CSMD1: variants seen among roughly 807,000 people sequenced by gnomAD.
The protein encoded by CSMD1 is CUB and sushi domain-containing protein 1.
A neutral mutation model predicts 417.5 loss-of-function variants in CSMD1; 213 were observed. That is an observed-to-expected ratio of 0.51 (90% confidence interval 0.46 to 0.57). CSMD1 has a LOEUF of 0.57. Ranked by LOEUF, CSMD1 falls within the 20% of genes least tolerant of loss-of-function variation. The pLI is 0.00. For missense variants in CSMD1, 6,923 were observed against 4,529.7 expected (o/e 1.53, Z -15.17); for synonymous variants, 2,862 against 1,736.8 (o/e 1.65, Z -16.11).
intron 65 of CSMD1, among the ~76,000 whole-genome samples, chr8:2,952,461 C>T (rs531698825): frequency 7.9e-5 from 12 of 152,164 alleles, no homozygotes; most frequent in African/African-American, 2.9e-4. Flanking sequence ...TAATAGCTTC[C>T]TTTGGCCTTT....
At chr8:3,848,333 G>C (rs949564722) in intron 5 of CSMD1, among the ~76,000 whole-genome samples, 6 of 152,110 alleles carry the variant, frequency 3.9e-5, no homozygotes, top group Non-Finnish European at 1.5e-5. Flanking sequence ...ACATCAAAAG[G>C]AGCAATCTTA....
At chr8:4,426,839 T>A (rs1278343213) in intron 2 of CSMD1, among the ~76,000 whole-genome samples, 1 of 150,990 alleles carries the variant, frequency 6.6e-6, no homozygotes, top group Non-Finnish European at 1.5e-5. Context: ...GTATACTATA[T>A]TATGTACTAT....
intron 1 of CSMD1, among the ~76,000 whole-genome samples, chr8:4,915,066 T>C (rs181415325): frequency 3.5e-4 from 53 of 152,326 alleles, no homozygotes; most frequent in Admixed American, 2.2e-3. Flanking sequence ...TTGAATTAAA[T>C]ACACTCGGTT....
At chr8:4,205,609 A>G (rs576448135) in intron 3 of CSMD1, among the ~76,000 whole-genome samples, 3 of 152,258 alleles carry the variant, frequency 2.0e-5, no homozygotes, top group African/African-American at 4.8e-5. Context: ...AGCCCTGACA[A>G]TTTCCACCCA....
chr8:3,318,177 T>A (rs1563266767), intron 23 of CSMD1, among the ~76,000 whole-genome samples: 1 of 152,240 alleles, frequency 6.6e-6, no homozygotes, highest in East Asian at 1.9e-4. Flanking sequence ...TACCTTAGGC[T>A]TGTAATATTC....
chr8:4,219,917 G>T (rs1189820428), intron 3 of CSMD1, among the ~76,000 whole-genome samples: 1 of 152,132 alleles, frequency 6.6e-6, no homozygotes, highest in East Asian at 1.9e-4. Flanking sequence ...TAATATGATG[G>T]AGAGAATCAC....
At chr8:4,436,215 T>C (rs1296634266) in intron 2 of CSMD1, among the ~76,000 whole-genome samples, 1 of 152,222 alleles carries the variant, frequency 6.6e-6, no homozygotes, top group Non-Finnish European at 1.5e-5. Context: ...TTATGCCTCA[T>C]ATTAACTTAT....
At chr8:3,170,433 C>G (rs537712209) in intron 37 of CSMD1, among the ~76,000 whole-genome samples, 208 of 152,334 alleles carry the variant, frequency 1.4e-3, no homozygotes, top group African/African-American at 4.8e-3. Context: ...TGGTCTCGAT[C>G]TCCTGACCTT....
chr8:3,358,144 G>A (rs1808919680), intron 21 of CSMD1, among the ~76,000 whole-genome samples: 2 of 152,140 alleles, frequency 1.3e-5, no homozygotes, highest in African/African-American at 4.8e-5. Context: ...TATATGGACT[G>A]TTAAATTTTA....
intron 7 of CSMD1, among the ~76,000 whole-genome samples, chr8:3,688,033 T>G (rs949194550): frequency 5.3e-5 from 8 of 152,220 alleles, no homozygotes; most frequent in African/African-American, 1.9e-4. Context: ...GTGACCGAAA[T>G]GGATTGCTTT....
chr8:4,088,704 C>A (rs1262302973), intron 3 of CSMD1, among the ~76,000 whole-genome samples: 1 of 152,078 alleles, frequency 6.6e-6, no homozygotes, highest in African/African-American at 2.4e-5. Flanking sequence ...CAATCAGCTC[C>A]CCGACCCCAA....
chr8:3,188,863 A>G, intron 35 of CSMD1, 24 bp downstream of exon 35: 1 of 1,541,866 alleles, frequency 6.5e-7, no homozygotes, highest in East Asian at 2.5e-5. Context: ...GCCCTGTTGT[A>G]GACTGTGGAC....
At chr8:4,465,601 C>A (rs1174463437) in intron 2 of CSMD1, among the ~76,000 whole-genome samples, 3 of 152,118 alleles carry the variant, frequency 2.0e-5, no homozygotes, top group African/African-American at 4.8e-5. Context: ...AGAAGTCAGA[C>A]GTTGAGGATT....
At chr8:4,535,286 G>T (rs1394376152) in intron 2 of CSMD1, among the ~76,000 whole-genome samples, 2 of 152,008 alleles carry the variant, frequency 1.3e-5, no homozygotes, top group East Asian at 3.9e-4. Context: ...ATCACAGGGG[G>T]AAGTCAATTA....
intron 1 of CSMD1, among the ~76,000 whole-genome samples, chr8:4,823,778 G>A (rs1017969044): frequency 3.3e-5 from 5 of 152,006 alleles, no homozygotes; most frequent in Admixed American, 6.6e-5. Context: ...GGCAGTGTGT[G>A]CACAAGTGTC....
Position 4,041,062 on chromosome 8 carries a change from G to A in CSMD1, c.416-8963C>T, listed in dbSNP as rs566201157. ...GACGGAGTCTCGCTCTGTCGCCCAG[G>A]CTGGAGTGCAGTGGCGCGATCTCGG... On this transcript the variant is annotated intron_variant, in intron 3 of 69. Transcript: ENST00000635120. 3.6e-5 allele frequency among the ~76,000 whole-genome samples: 5 copies of A among 139,750 alleles called. No individual in the cohort carries two copies. In the South Asian group the frequency reaches 9.0e-4, roughly 25 times the overall value. 91.7% of individuals were successfully genotyped at this position (139,750 alleles called of 152,430 possible). A position where few individuals can be genotyped will look rare whatever the true frequency, so the allele number is the denominator to read the frequency against.
intron 2 of CSMD1, among the ~76,000 whole-genome samples, chr8:4,511,784 G>C (rs548005154): frequency 6.6e-6 from 1 of 152,054 alleles, no homozygotes; most frequent in Non-Finnish European, 1.5e-5. Context: ...TACTCCAAGA[G>C]GACTCAATCA....
chr8:4,426,577 A>C (rs1323488113), intron 2 of CSMD1, among the ~76,000 whole-genome samples: 2 of 146,366 alleles, frequency 1.4e-5, no homozygotes, highest in African/African-American at 5.0e-5. Flanking sequence ...GTATATATAC[A>C]CAGTATGTGC....
intron 4 of CSMD1, among the ~76,000 whole-genome samples, chr8:4,013,743 T>C (rs1796390117): frequency 6.6e-6 from 1 of 152,200 alleles, no homozygotes; most frequent in Non-Finnish European, 1.5e-5. Context: ...CTATAGCTTG[T>C]GGGTTACATT....
Sources: gnomAD v4.1 joint callset for allele counts (sites outside exome capture counted in the v4.1 genomes callset) on GRCh38, gnomAD v4.1.1 for gene constraint, MANE v1.5 for transcripts, NCBI Gene and HGNC (gene_info 2026-07-23, HGNC 2026-07-21) for gene names.